ZNF831: variants seen among roughly 807,000 people sequenced by gnomAD.
ZNF831 encodes chromosome 20 open reading frame 174.
Under a neutral mutation model 95.8 loss-of-function variants are expected in ZNF831, and 59 were observed. That is an observed-to-expected ratio of 0.62 (90% CI 0.50 to 0.77). The LOEUF (loss-of-function observed/expected upper bound fraction) is 0.77, where lower values mean the gene tolerates loss of function less well. Ranked by LOEUF, ZNF831 falls within the 30% of genes least tolerant of loss-of-function variation. The probability of loss-of-function intolerance (pLI) is 0.00; values close to 1 mark genes in which losing one functional copy is unlikely to be tolerated. For missense variants in ZNF831, 2,205 were observed against 2,164.0 expected (o/e 1.02, Z -0.38); for synonymous variants, 961 against 925.5 (o/e 1.04, Z -0.70).
At chr20:59,189,446 C>G (rs1568748362) in intron 1 of ZNF831, among the ~76,000 whole-genome samples, 1 of 152,152 alleles carries the variant, frequency 6.6e-6, no homozygotes, top group African/African-American at 2.4e-5. Flanking sequence ...CTCTCTTGAG[C>G]CAGTATGAGT....
chr20:59,210,086 G>A (rs1053177732), intron 4 of ZNF831, among the ~76,000 whole-genome samples: 6 of 152,154 alleles, frequency 3.9e-5, no homozygotes, highest in Non-Finnish European at 8.8e-5. Context: ...CAACAGAAGT[G>A]GCCTTAAAAT....
chr20:59,195,693 G>C, intron 2 of ZNF831, 176 bp from the exon 3 acceptor site: 1 of 891,296 alleles, frequency 1.1e-6, no homozygotes, highest in Non-Finnish European at 1.3e-6. Context: ...TTCTGTCCAG[G>C]AACGCTCTGC....
chr20:59,177,373 A>C (rs896907208), intron 1 of ZNF831, among the ~76,000 whole-genome samples: 1 of 152,250 alleles, frequency 6.6e-6, no homozygotes, highest in Non-Finnish European at 1.5e-5. Context: ...CTGTGGGTGC[A>C]GTTCCTCTGA....
rs567648386 is a variant in ZNF831 at position 59,195,704 on chromosome 20, C to T, written c.3739-165C>T. The T allele has an allele frequency of 6.7e-5, 62 of 922,712 alleles. 2 individuals carry two copies. In the South Asian group the frequency reaches 2.4e-3, roughly 35 times the overall value. The allele number at this position is 922,712 out of a possible 1,614,324, so 57.2% of individuals were successfully genotyped here. A position where few individuals can be genotyped will look rare whatever the true frequency, so the allele number is the denominator to read the frequency against. ...GAGGTTCTGTCCAGGAACGCTCTGCCGTTGCCTGGTTGAACTTCTCAGGGG... is the reference window on the plus strand; with the variant it reads ...GAGGTTCTGTCCAGGAACGCTCTGCTGTTGCCTGGTTGAACTTCTCAGGGG... On this transcript the variant is annotated intron_variant, in intron 2 of 5. Coordinates refer to ENST00000371030, the MANE Select transcript of ZNF831 (RefSeq NM_178457.3).
At chr20:59,184,424 T>C (rs546394870) in intron 1 of ZNF831, among the ~76,000 whole-genome samples, 22 of 152,136 alleles carry the variant, frequency 1.4e-4, no homozygotes, top group African/African-American at 5.3e-4. Context: ...TTTTTTACTT[T>C]CTGAAAATTG....
chr20:59,233,041 C>G (rs1236056660), intron 4 of ZNF831, among the ~76,000 whole-genome samples: 3,736 of 134,968 alleles, frequency 0.028, 65 homozygotes, highest in East Asian at 0.085. Context: ...CACACACACA[C>G]ACATAGAGAG....
chr20:59,165,998 T>C (rs1031192795), intron 1 of ZNF831, among the ~76,000 whole-genome samples: 7 of 152,154 alleles, frequency 4.6e-5, no homozygotes, highest in Admixed American at 3.3e-4. Context: ...GTGATCTATC[T>C]GCCTCGGCCT....
chr20:59,187,153 C>G (rs935343720), intron 1 of ZNF831, among the ~76,000 whole-genome samples: 7 of 152,094 alleles, frequency 4.6e-5, no homozygotes, highest in Non-Finnish European at 1.0e-4. Context: ...ATGGAAGATG[C>G]CATAGAATCC....
At chr20:59,202,525 C>T (rs1318884340) in intron 3 of ZNF831, among the ~76,000 whole-genome samples, 7 of 152,062 alleles carry the variant, frequency 4.6e-5, no homozygotes, top group Admixed American at 3.3e-4. Flanking sequence ...TGGATTCCTC[C>T]AATAAATATT....
At chr20:59,238,470 C>A (rs1178056697) in intron 4 of ZNF831, among the ~76,000 whole-genome samples, 3 of 152,144 alleles carry the variant, frequency 2.0e-5, no homozygotes, top group Non-Finnish European at 4.4e-5. Flanking sequence ...TAAGGCCTGG[C>A]CTTTTCAAGA....
chr20:59,226,536 C>A (rs534495946), intron 4 of ZNF831, among the ~76,000 whole-genome samples: 1 of 151,792 alleles, frequency 6.6e-6, no homozygotes, highest in Non-Finnish European at 1.5e-5. Context: ...CTTTCTCGTT[C>A]ATGCCCGATA....
chr20:59,125,745 C>T (rs1979153305), intron 1 of ZNF831, among the ~76,000 whole-genome samples: 1 of 152,208 alleles, frequency 6.6e-6, no homozygotes, highest in African/African-American at 2.4e-5. Context: ...TTATTAGTTT[C>T]TGCTTTACCC....
chr20:59,135,679 C>A (rs1037254336), intron 1 of ZNF831, among the ~76,000 whole-genome samples: 1 of 151,922 alleles, frequency 6.6e-6, no homozygotes, highest in Admixed American at 6.6e-5. Context: ...GGCAGTGAGC[C>A]GAGACTGTGC....
intron 4 of ZNF831, among the ~76,000 whole-genome samples, chr20:59,239,534 T>C (rs1008222161): frequency 6.6e-6 from 1 of 151,206 alleles, no homozygotes; most frequent in African/African-American, 2.4e-5. Context: ...TAGTTATTCT[T>C]TCTTTCTGTA....
intron 1 of ZNF831, among the ~76,000 whole-genome samples, chr20:59,189,116 G>A (rs1461514438): frequency 6.6e-6 from 1 of 151,962 alleles, no homozygotes; most frequent in Non-Finnish European, 1.5e-5. Context: ...AGGAGGCAGA[G>A]GTTGCAGTGA....
rs1383077315 is a variant in ZNF831, at chr20:59,193,491, G to A, written c.2472G>A (p.Lys824=). The A allele has an allele frequency of 1.2e-6, 2 of 1,611,004 alleles. No individual in the cohort carries two copies. The highest frequency in any genetic ancestry group is 8.5e-7 in the Non-Finnish European group (1 of 1,178,488). ...ACAAGCTCCCCTCAGAGAGGAAGAA[G>A]CTGAAAGTGGAGGACCTGCACAGCT... is the stretch of plus-strand genomic sequence containing the variant. ...GEDKLPSERK[K]LKVEDLHSWK... is the part of the protein sequence containing the mutation. The change falls in exon 2 of 6, where the codon AAG becomes AAA. Residue 824 remains lysine (K), a synonymous_variant. Transcript: ENST00000371030.
At position 59,193,696 on chromosome 20, in the gene ZNF831, G is replaced by T; in HGVS notation, c.2677G>T (p.Ala893Ser). ...SGASLAAASV[A>S]LKRVGPRDKA... ...AGCCTCCTTGGCTGCTGCTTCTGTT[G>T]CCCTGAAGAGGGTGGGGCCAAGGGA... The change falls in exon 2 of 6, where the codon GCC becomes TCC. Residue 893 changes from alanine to serine, a missense_variant. Ala to Ser is a moderately conservative substitution (Grantham distance 99). Coordinates refer to ENST00000371030, the MANE Select transcript of ZNF831 (RefSeq NM_178457.3). 3 of 1,612,926 alleles carry T rather than the reference G, an allele frequency of 1.9e-6. No homozygotes were observed. Among genetic ancestry groups the T allele is most frequent in the Non-Finnish European group, 2.5e-6 (3 of 1,179,680 alleles).
At chr20:59,196,547 C>T (rs1984118413) in intron 3 of ZNF831, among the ~76,000 whole-genome samples, 1 of 152,156 alleles carries the variant, frequency 6.6e-6, no homozygotes, top group Non-Finnish European at 1.5e-5. Flanking sequence ...CTTGGATTGT[C>T]TTTCTCCTTT....
At position 59,229,962 on chromosome 20, in the gene ZNF831, C is replaced by T. The variant is rs530980656; in HGVS notation, c.4027+22906C>T. On this transcript the variant is annotated intron_variant, in intron 4 of 5. Transcript: ENST00000371030. Reference sequence around the variant, plus strand: ...GGAGAAAGAATATTCTAGAGGGGCACTAAACATCACTGGAGTCTTACTGGT... The same window carrying T: ...GGAGAAAGAATATTCTAGAGGGGCATTAAACATCACTGGAGTCTTACTGGT... Among the ~76,000 whole-genome samples the T allele has an allele frequency of 3.9e-5, 6 of 152,128 alleles. No individual in the cohort carries two copies. The South Asian group carries it at 1.2e-3, about 32-fold the overall frequency.
Sources: allele counts gnomAD v4.1 joint callset (sites outside exome capture counted in the v4.1 genomes callset), GRCh38; gene constraint gnomAD v4.1.1; transcripts MANE v1.5; gene names NCBI Gene and HGNC (gene_info 2026-07-23, HGNC 2026-07-21).